PXDNL: variants seen among roughly 807,000 people sequenced by gnomAD.
The protein encoded by PXDNL is peroxidasin like.
PXDNL carries 145 observed loss-of-function variants against 150.8 expected under a neutral mutation model. The observed-to-expected ratio is 0.96, with a 90% CI of 0.84 to 1.10. The LOEUF is 1.10. PXDNL is among the 50% of genes least tolerant of loss of function. The pLI is 0.00. For missense variants in PXDNL, 2,087 were observed against 1,873.9 expected (o/e 1.11, Z -2.10); for synonymous variants, 757 against 725.7 (o/e 1.04, Z -0.69).
At chr8:51,559,193 A>G (rs1215247131) in intron 3 of PXDNL, among the ~76,000 whole-genome samples, 1 of 151,966 alleles carries the variant, frequency 6.6e-6, no homozygotes, top group African/African-American at 2.4e-5. Context: ...GCAGTTAAGG[A>G]GAACTATAAT....
intron 1 of PXDNL, among the ~76,000 whole-genome samples, chr8:51,687,699 G>T (rs1364884891): frequency 6.6e-6 from 1 of 152,202 alleles, no homozygotes; most frequent in African/African-American, 2.4e-5. Flanking sequence ...ATCGTCCAAT[G>T]CAGGAGACTG....
intron 1 of PXDNL, among the ~76,000 whole-genome samples, chr8:51,789,821 C>T (rs1331639797): frequency 1.3e-5 from 2 of 151,990 alleles, no homozygotes; most frequent in Non-Finnish European, 2.9e-5. Context: ...GAAGGAAGAA[C>T]AAATATTAGG....
chr8:51,644,062 C>G (rs917059472), intron 2 of PXDNL, among the ~76,000 whole-genome samples: 1 of 151,492 alleles, frequency 6.6e-6, no homozygotes, highest in Non-Finnish European at 1.5e-5. Flanking sequence ...AGGAGAATGG[C>G]GTGAACCTGG....
chr8:51,348,146 C>T (rs775035439), intron 19 of PXDNL, among the ~76,000 whole-genome samples: 30 of 152,232 alleles, frequency 2.0e-4, no homozygotes, highest in African/African-American at 5.8e-4. Context: ...GCAGCATCTC[C>T]GGCTAAGCCA....
intron 1 of PXDNL, among the ~76,000 whole-genome samples, chr8:51,744,598 C>T (rs776659073): frequency 6.9e-5 from 10 of 144,112 alleles, no homozygotes; most frequent in Non-Finnish European, 4.5e-5. Flanking sequence ...ATGGCATGAA[C>T]CTGGGAGGTG....
intron 4 of PXDNL, among the ~76,000 whole-genome samples, chr8:51,554,435 G>T (rs1812559913): frequency 6.6e-6 from 1 of 152,190 alleles, no homozygotes; most frequent in Admixed American, 6.5e-5. Flanking sequence ...GGATCAATTG[G>T]CTGCACCCTT....
At chr8:51,642,967 T>C (rs1814806995) in intron 2 of PXDNL, among the ~76,000 whole-genome samples, 1 of 152,100 alleles carries the variant, frequency 6.6e-6, no homozygotes, top group Non-Finnish European at 1.5e-5. Context: ...ATAAAATACC[T>C]AGGAATCCAA....
chr8:51,736,738 G>A (rs540758427), intron 1 of PXDNL, among the ~76,000 whole-genome samples: 2 of 152,116 alleles, frequency 1.3e-5, no homozygotes, highest in Admixed American at 6.5e-5. Flanking sequence ...GGTACATAAG[G>A]GCAGTTGTAA....
At chr8:51,633,000 T>C (rs1479131827) in intron 2 of PXDNL, among the ~76,000 whole-genome samples, 1 of 152,152 alleles carries the variant, frequency 6.6e-6, no homozygotes, top group African/African-American at 2.4e-5. Flanking sequence ...GTCATACAGA[T>C]AGTGATCGCA....
intron 2 of PXDNL, among the ~76,000 whole-genome samples, chr8:51,615,973 C>T (rs1164227094): frequency 6.6e-6 from 1 of 152,178 alleles, no homozygotes; most frequent in Non-Finnish European, 1.5e-5. Context: ...CCCTCCACCA[C>T]CCAGCCACTG....
intron 1 of PXDNL, among the ~76,000 whole-genome samples, chr8:51,679,098 C>A (rs76673964): frequency 1.3e-5 from 2 of 152,132 alleles, no homozygotes. Context: ...GTCCTATGAT[C>A]GAGGTAATGC....
At chr8:51,740,222 A>C (rs2036889389) in intron 1 of PXDNL, among the ~76,000 whole-genome samples, 1 of 152,200 alleles carries the variant, frequency 6.6e-6, no homozygotes, top group Non-Finnish European at 1.5e-5. Flanking sequence ...TTACTGTGTT[A>C]ATGTGATTGG....
intron 1 of PXDNL, among the ~76,000 whole-genome samples, chr8:51,768,944 T>C (rs2037260948): frequency 6.6e-6 from 1 of 151,914 alleles, no homozygotes; most frequent in Non-Finnish European, 1.5e-5. Flanking sequence ...AAATAAAAAA[T>C]GAAAAAAATT....
At chr8:51,394,998 C>T (rs1563390238) in intron 17 of PXDNL, among the ~76,000 whole-genome samples, 1 of 152,190 alleles carries the variant, frequency 6.6e-6, no homozygotes, top group Non-Finnish European at 1.5e-5. Context: ...CATTCAGCAA[C>T]CCCATGAGAT....
chr8:51,580,079 T>A lies in PXDNL; in HGVS notation c.308+12548A>T, dbSNP rs553203297. ...ATCACAAAAGGTTATATATTTTATG[T>A]TTCCATTTAAATAACATTTTTAAAT... On this transcript the variant is annotated intron_variant, in intron 3 of 22. Transcript: ENST00000356297. Among the ~76,000 whole-genome samples the A allele has an allele frequency of 2.7e-4, 41 of 152,020 alleles. No homozygotes were observed. In the South Asian group the frequency reaches 7.9e-3, roughly 29 times the overall value.
intron 18 of PXDNL, among the ~76,000 whole-genome samples, chr8:51,372,312 C>G (rs1407902614): frequency 6.6e-6 from 1 of 152,236 alleles, no homozygotes; most frequent in Non-Finnish European, 1.5e-5. Flanking sequence ...CAAAATGATT[C>G]AAAGGAAAGT....
At chr8:51,442,624 T>A (rs1473606053) in intron 12 of PXDNL, among the ~76,000 whole-genome samples, 1 of 152,020 alleles carries the variant, frequency 6.6e-6, no homozygotes, top group Admixed American at 6.6e-5. Context: ...ATACTCATGA[T>A]TCTTCTTCCT....
At chr8:51,335,102 C>T (rs1805797724) in intron 21 of PXDNL, among the ~76,000 whole-genome samples, 1 of 152,146 alleles carries the variant, frequency 6.6e-6, no homozygotes, top group Non-Finnish European at 1.5e-5. Flanking sequence ...TTTTCTAGAA[C>T]AGTTCTAATG....
intron 1 of PXDNL, among the ~76,000 whole-genome samples, chr8:51,655,791 G>A (rs942340214): frequency 7.2e-5 from 11 of 152,254 alleles, no homozygotes; most frequent in Middle Eastern, 6.8e-3. Context: ...TAAGGAAAAT[G>A]AACATCTAGG....
Sources: gnomAD v4.1 joint callset for allele counts (sites outside exome capture counted in the v4.1 genomes callset) on GRCh38, gnomAD v4.1.1 for gene constraint, MANE v1.5 for transcripts, NCBI Gene and HGNC (gene_info 2026-07-23, HGNC 2026-07-21) for gene names.